The following AGAP1 variants were observed in gnomAD, a reference collection of about 807,000 sequenced individuals.
AGAP1 encodes the protein arf-GAP with GTPase, ANK repeat and PH domain-containing protein 1.
Under a neutral mutation model 105.3 loss-of-function variants are expected in AGAP1, and 29 were observed. The observed-to-expected ratio is 0.28, with a 90% confidence interval of 0.21 to 0.38. AGAP1 has a LOEUF of 0.38. AGAP1 is among the 10% of genes least tolerant of loss of function. The pLI, the probability that AGAP1 is intolerant of heterozygous loss-of-function variation, is 1.00. For missense variants in AGAP1, 998 were observed against 1,165.1 expected, an observed-to-expected ratio of 0.86 and a Z score of 2.09; for synonymous variants, 509 against 485.9, an observed-to-expected ratio of 1.05 and a Z score of -0.63.
intron 13 of AGAP1, among the ~76,000 whole-genome samples, chr2:236,008,275 T>C (rs1433021588): frequency 1.3e-5 from 2 of 152,122 alleles, no homozygotes; most frequent in African/African-American, 2.4e-5. Context: ...TACCCAGAAG[T>C]AGGGGAAGCC....
At chr2:235,937,822 C>T (rs73128469) in intron 12 of AGAP1, among the ~76,000 whole-genome samples, 2,835 of 152,298 alleles carry the variant, frequency 0.019, 62 homozygotes, top group African/African-American at 0.055. Context: ...GAGTGTGCCA[C>T]GGGGCAGAGA....
Position 235,931,467 on chromosome 2 carries a change from A to G in AGAP1, c.1483+544A>G, listed in dbSNP as rs2052717014. On this transcript the variant is annotated intron_variant, in intron 12 of 17. Transcript: ENST00000304032. This position sits in a 1 kb window ranked among gnomAD's most constrained non-coding sequence, Gnocchi z 5.6. The stretch of plus-strand genomic sequence containing the variant: ...TTATTATTATTATTTTGACAAGTGT[A>G]TCCAGCTTTTTGGGGAATAAGCATG... Among the ~76,000 whole-genome samples, 1 of 151,998 alleles carries G rather than the reference A, an allele frequency of 6.6e-6. No homozygotes were observed.
intron 12 of AGAP1, among the ~76,000 whole-genome samples, chr2:235,946,711 A>G (rs952517361): frequency 6.6e-5 from 10 of 152,256 alleles, no homozygotes; most frequent in Admixed American, 3.3e-4. Context: ...GCTGCTTTCT[A>G]TGTAGTAGCT....
rs2058557810 is a variant in AGAP1, at chr2:236,073,461, T to TCAGCTTGCAAAACATGCTGCAAAA, written c.2114+24195_2114+24218dup. On this transcript the variant is annotated intron_variant, in intron 16 of 17. Coordinates refer to ENST00000304032, the MANE Select transcript of AGAP1 (RefSeq NM_001037131.3). The surrounding 1 kb of genome is among the most constrained non-coding windows in gnomAD (Gnocchi z 5.4). Reference sequence around the variant, plus strand: ...CAGGACAGGAGTTACATTTGCCCTATCAGCTTGCAAAACATGCTGCAAAAC... The same window carrying TCAGCTTGCAAAACATGCTGCAAAA: ...CAGGACAGGAGTTACATTTGCCCTATCAGCTTGCAAAACATGCTGCAAAACAGCTTGCAAAACATGCTGCAAAAC... 1.3e-5 allele frequency among the ~76,000 whole-genome samples: 2 copies of TCAGCTTGCAAAACATGCTGCAAAA among 152,132 alleles called. No homozygotes were observed. Among genetic ancestry groups the TCAGCTTGCAAAACATGCTGCAAAA allele is most frequent in the African/African-American group, 2.4e-5 (1 of 41,426 alleles).
chr2:235,759,520 G>A (rs73996357), intron 6 of AGAP1, among the ~76,000 whole-genome samples: 2,124 of 152,254 alleles, frequency 0.014, 48 homozygotes, highest in African/African-American at 0.049. Flanking sequence ...TCTGCAGATG[G>A]TCTCCAGAAG....
intron 9 of AGAP1, among the ~76,000 whole-genome samples, chr2:235,815,564 C>A (rs964247754): frequency 2.1e-4 from 32 of 152,238 alleles, no homozygotes; most frequent in Non-Finnish European, 5.9e-5. Context: ...GAGCTGAGCT[C>A]TGTGTGACCG....
chr2:235,826,736 C>A (rs1052237930), intron 9 of AGAP1, among the ~76,000 whole-genome samples: 1 of 152,172 alleles, frequency 6.6e-6, no homozygotes, highest in African/African-American at 2.4e-5. Flanking sequence ...CTGCACACGG[C>A]TTGCTTCCCC....
At chr2:236,091,856 A>C (rs2059068834) in intron 16 of AGAP1, among the ~76,000 whole-genome samples, 1 of 152,268 alleles carries the variant, frequency 6.6e-6, no homozygotes, top group African/African-American at 2.4e-5. Flanking sequence ...GCCCAAAACC[A>C]GAAACAACCC....
rs1223926257 is a variant in AGAP1 at position 236,036,368 on chromosome 2, C to T, written c.1646-193C>T. 6.6e-6 allele frequency among the ~76,000 whole-genome samples: 1 copy of T among 152,144 alleles called. No individual in the cohort carries two copies. The highest frequency in any genetic ancestry group is 1.9e-4 in the East Asian group (1 of 5,178). ...TTGAAACCTGGCTAAGTCATGCTGG[C>T]CTTAGGAACCACATCTGGACTGTTG... On this transcript the variant is annotated intron_variant, in intron 13 of 17. Coordinates refer to ENST00000304032, the MANE Select transcript of AGAP1 (RefSeq NM_001037131.3). This position sits in a 1 kb window ranked among gnomAD's most constrained non-coding sequence, Gnocchi z 5.7.
At chr2:235,572,994 CTT>C (rs1944587038) in intron 1 of AGAP1, among the ~76,000 whole-genome samples, 1 of 22,144 alleles carries the variant, frequency 4.5e-5, no homozygotes, top group African/African-American at 2.1e-4. Context: ...TCTTCTTCTT[CTT>C]CTTCTTCTTC....
At chr2:236,047,643 A>G (rs1443083025) in intron 15 of AGAP1, among the ~76,000 whole-genome samples, 1 of 107,130 alleles carries the variant, frequency 9.3e-6, no homozygotes, top group African/African-American at 4.2e-5. Context: ...TCTGTCACCC[A>G]GGCTGGAGTG....
intron 17 of AGAP1, among the ~76,000 whole-genome samples, chr2:236,122,599 A>G (rs1276899458): frequency 1.3e-5 from 2 of 152,058 alleles, no homozygotes; most frequent in Non-Finnish European, 2.9e-5. Context: ...CCTTCTGATC[A>G]TCACTCTAAT....
chr2:236,070,899 A>G (rs749042413), intron 16 of AGAP1, among the ~76,000 whole-genome samples: 1 of 152,128 alleles, frequency 6.6e-6, no homozygotes, highest in Non-Finnish European at 1.5e-5. Flanking sequence ...AAATGCTAAA[A>G]CCATTGAATG....
chr2:235,757,410 G>A (rs1954019934), intron 6 of AGAP1, among the ~76,000 whole-genome samples: 1 of 151,590 alleles, frequency 6.6e-6, no homozygotes, highest in Non-Finnish European at 1.5e-5. Context: ...AGGTGCTAGT[G>A]TGGCCACAGC....
intron 6 of AGAP1, among the ~76,000 whole-genome samples, chr2:235,756,185 G>A (rs1378747049): frequency 1.3e-5 from 2 of 152,148 alleles, no homozygotes; most frequent in East Asian, 3.9e-4. Context: ...TGAGTTTCTC[G>A]TCTTCCTGAG....
intron 1 of AGAP1, among the ~76,000 whole-genome samples, chr2:235,518,131 G>A (rs1015179325): frequency 2.0e-5 from 3 of 152,128 alleles, no homozygotes; most frequent in African/African-American, 7.2e-5. Context: ...GTGCATAAGG[G>A]CTGTGCCCAT....
At chr2:235,884,628 GT>G (rs1194004078) in intron 10 of AGAP1, among the ~76,000 whole-genome samples, 5 of 151,550 alleles carry the variant, frequency 3.3e-5, no homozygotes, top group African/African-American at 1.2e-4. Flanking sequence ...ATTTTTTTGT[GT>G]TTTTAGTAGA....
At chr2:235,585,684 A>AT (rs1014518647) in intron 1 of AGAP1, among the ~76,000 whole-genome samples, 6 of 152,192 alleles carry the variant, frequency 3.9e-5, no homozygotes, top group African/African-American at 1.4e-4. Context: ...CTCCACAGAA[A>AT]TTTGAGTCCA....
intron 1 of AGAP1, among the ~76,000 whole-genome samples, chr2:235,626,980 C>T (rs980415313): frequency 6.6e-6 from 1 of 152,142 alleles, no homozygotes; most frequent in Non-Finnish European, 1.5e-5. Flanking sequence ...GTCATTCCAG[C>T]GCATAGATAT....
Sources: gnomAD v4.1 joint callset for allele counts (sites outside exome capture counted in the v4.1 genomes callset) on GRCh38, gnomAD v4.1.1 for gene constraint, Gnocchi (gnomAD v3.1) non-coding constraint, MANE v1.5 for transcripts, NCBI Gene and HGNC (gene_info 2026-07-23, HGNC 2026-07-21) for gene names.